The following ANO2 variants were observed in gnomAD, a reference collection of about 807,000 sequenced individuals.
The protein encoded by ANO2 is anoctamin-2.
In ANO2, 101 loss-of-function variants were observed where a neutral mutation model predicts 124.2. The ratio of observed to expected loss-of-function variants is 0.81; its 90% CI spans 0.69 to 0.96. ANO2 has a LOEUF of 0.96. ANO2 is among the 40% of genes least tolerant of loss of function. The probability of loss-of-function intolerance (pLI) is 0.00; values close to 1 mark genes in which losing one functional copy is unlikely to be tolerated. For missense variants in ANO2, 1,293 were observed against 1,274.5 expected, an observed-to-expected ratio of 1.01 and a Z score of -0.22; for synonymous variants, 486 against 482.5, an observed-to-expected ratio of 1.01 and a Z score of -0.09.
At chr12:5,612,619 G>A in intron 19 of ANO2, 37 bp downstream of exon 19, 2 of 1,573,112 alleles carry the variant, frequency 1.3e-6, no homozygotes, top group Non-Finnish European at 1.7e-6. Flanking sequence ...CTAACCCCTG[G>A]CAGCAAGGAG....
chr12:5,912,892 C>T (rs1941139692), intron 3 of ANO2, among the ~76,000 whole-genome samples: 5 of 152,168 alleles, frequency 3.3e-5, no homozygotes, highest in Non-Finnish European at 7.3e-5. Context: ...GGCAGCGTCA[C>T]GAATAAACAG....
chr12:5,864,728 C>A (rs2137271105), intron 3 of ANO2, among the ~76,000 whole-genome samples: 1 of 152,312 alleles, frequency 6.6e-6, no homozygotes, highest in East Asian at 1.9e-4. Context: ...GTTTATTCCC[C>A]TTGCCTCATC....
At chr12:5,637,933 A>G (rs969881902) in intron 15 of ANO2, among the ~76,000 whole-genome samples, 7 of 152,206 alleles carry the variant, frequency 4.6e-5, no homozygotes, top group African/African-American at 1.7e-4. Context: ...GAGATGAAGA[A>G]ACGGGCATGG....
chr12:5,663,527 A>T (rs1436361745), intron 14 of ANO2, among the ~76,000 whole-genome samples: 1 of 151,816 alleles, frequency 6.6e-6, no homozygotes, highest in Non-Finnish European at 1.5e-5. Flanking sequence ...TCCAACTAAG[A>T]CTCAGCTCCT....
At chr12:5,841,855 T>C (rs561965995) in intron 4 of ANO2, among the ~76,000 whole-genome samples, 36 of 152,294 alleles carry the variant, frequency 2.4e-4, no homozygotes, top group African/African-American at 8.4e-4. Flanking sequence ...TGGTGCCTCC[T>C]AATTTATTTT....
intron 14 of ANO2, among the ~76,000 whole-genome samples, chr12:5,727,202 G>T (rs1214704382): frequency 6.6e-6 from 1 of 152,070 alleles, no homozygotes; most frequent in African/African-American, 2.4e-5. Flanking sequence ...TTGCAAAAGT[G>T]AGTGAGTTCC....
chr12:5,783,601 T>G (rs1252119746), intron 10 of ANO2, among the ~76,000 whole-genome samples: 2 of 152,222 alleles, frequency 1.3e-5, no homozygotes, highest in East Asian at 3.8e-4. Flanking sequence ...CTGCCGCTCA[T>G]TTCACCAGGT....
chr12:5,877,629 A>T (rs73045687), intron 3 of ANO2, among the ~76,000 whole-genome samples: 10,538 of 152,270 alleles, frequency 0.069, 837 homozygotes, highest in African/African-American at 0.19. Context: ...CTACAAAATA[A>T]TAAAAGTATC....
chr12:5,590,984 C>T (rs1190081740), intron 20 of ANO2, among the ~76,000 whole-genome samples: 3 of 152,038 alleles, frequency 2.0e-5, no homozygotes, highest in East Asian at 1.9e-4. Context: ...GTCAGGAGTT[C>T]GAGACCTGGT....
chr12:5,670,833 C>A (rs1461322636), intron 14 of ANO2, among the ~76,000 whole-genome samples: 2 of 152,164 alleles, frequency 1.3e-5, no homozygotes, highest in African/African-American at 2.4e-5. Flanking sequence ...AGCCACCACA[C>A]CTGGCCAAAA....
intron 14 of ANO2, among the ~76,000 whole-genome samples, chr12:5,708,193 C>G (rs1486497703): frequency 1.3e-5 from 2 of 152,216 alleles, no homozygotes; most frequent in Admixed American, 1.3e-4. Context: ...TCAGTCGTAT[C>G]TACACCTCCT....
chr12:5,670,115 T>C (rs571047766), intron 14 of ANO2, among the ~76,000 whole-genome samples: 1 of 152,326 alleles, frequency 6.6e-6, no homozygotes, highest in South Asian at 2.1e-4. Flanking sequence ...TTGGAAACCA[T>C]GGTTCTAGGA....
At chr12:5,669,992 T>C (rs1947911729) in intron 14 of ANO2, among the ~76,000 whole-genome samples, 1 of 152,244 alleles carries the variant, frequency 6.6e-6, no homozygotes. Flanking sequence ...CTCTTTAAAC[T>C]GTGAGCCCAC....
At position 5,563,502 on chromosome 12, in the gene ANO2, C is replaced by T. The variant is rs773059306; in HGVS notation, c.2794G>A (p.Asp932Asn). ...AAGCTCTTCTCTTTCTTGATCTGGTCGCTGATGTCCGTGGGGATGTCTGGA... is the reference window on the plus strand; with the variant it reads ...AAGCTCTTCTCTTTCTTGATCTGGTTGCTGATGTCCGTGGGGATGTCTGGA... ...MIPDIPTDIS[D>N]QIKKEKSLLV... The change falls in exon 25 of 25, where the codon GAC becomes AAC. Residue 932 changes from aspartate (D) to asparagine (N), a missense_variant. Asp to Asn is a conservative substitution (Grantham distance 23). Transcript: ENST00000682330. 3 of 1,613,950 alleles carry T rather than the reference C, an allele frequency of 1.9e-6. No homozygotes were observed. Among genetic ancestry groups the T allele is most frequent in the Admixed American group, 3.3e-5 (2 of 60,022 alleles).
intron 3 of ANO2, among the ~76,000 whole-genome samples, chr12:5,870,000 C>G (rs1591719781): frequency 6.6e-6 from 1 of 152,134 alleles, no homozygotes; most frequent in South Asian, 2.1e-4. Flanking sequence ...ACACCATCAG[C>G]CCAAGAATAC....
At chr12:5,711,369 C>T (rs1224513889) in intron 14 of ANO2, among the ~76,000 whole-genome samples, 2 of 152,068 alleles carry the variant, frequency 1.3e-5, no homozygotes, top group African/African-American at 2.4e-5. Context: ...GTAACAAGCC[C>T]GCTCCCTCTT....
chr12:5,629,846 C>T (rs1025558180), intron 16 of ANO2, among the ~76,000 whole-genome samples: 2 of 152,210 alleles, frequency 1.3e-5, no homozygotes, highest in African/African-American at 4.8e-5. Flanking sequence ...CCCTTCCCAC[C>T]ACCCCAGGGT....
Position 5,828,438 on chromosome 12 carries a change from G to C in ANO2, c.841-618C>G, listed in dbSNP as rs1954056563. On this transcript the variant is annotated intron_variant, in intron 6 of 24. Transcript: ENST00000682330. ...GGGACGCCAGCCAGACCGTGCACAG[G>C]AAAGTGCTCTGCAACAGCAAAGGAG... Among the ~76,000 whole-genome samples, 6 of 152,346 alleles carry C rather than the reference G, an allele frequency of 3.9e-5. No individual in the cohort carries two copies. The South Asian group carries it at 1.2e-3, about 32-fold the overall frequency.
intron 13 of ANO2, among the ~76,000 whole-genome samples, chr12:5,736,605 A>AGT (rs764119303): frequency 9.9e-5 from 15 of 152,152 alleles, no homozygotes; most frequent in Non-Finnish European, 1.9e-4. Context: ...AATGTGGGTT[A>AGT]AATGCTTCAT....
Sources: allele counts gnomAD v4.1 joint callset (sites outside exome capture counted in the v4.1 genomes callset), GRCh38; gene constraint gnomAD v4.1.1; transcripts MANE v1.5; gene names NCBI Gene and HGNC (gene_info 2026-07-23, HGNC 2026-07-21).